The following TUBGCP5 variants were observed in gnomAD, a reference collection of about 807,000 sequenced individuals.
TUBGCP5 encodes the protein tubulin gamma complex component 5, also known as gamma-tubulin complex component 5.
Under a neutral mutation model 134.7 loss-of-function variants are expected in TUBGCP5, and 98 were observed. The observed-to-expected ratio is 0.73, with a 90% confidence interval of 0.62 to 0.86. TUBGCP5 has a LOEUF of 0.86. Among genes scored for constraint, TUBGCP5 ranks in the 40% least tolerant of loss-of-function variants. TUBGCP5 has a pLI of 0.00. For missense variants in TUBGCP5, 1,150 were observed against 1,244.8 expected, an observed-to-expected ratio of 0.92 and a Z score of 1.15; for synonymous variants, 456 against 431.4, an observed-to-expected ratio of 1.06 and a Z score of -0.71.
chr15:22,990,269 A>G (rs1595781351), intron 23 of TUBGCP5, among the ~76,000 whole-genome samples: 1 of 132,932 alleles, frequency 7.5e-6, no homozygotes, highest in East Asian at 2.2e-4. Flanking sequence ...CTCCTCTTCC[A>G]TCTCTCTCCT....
intron 9 of TUBGCP5, chr15:23,024,482 CAAAT>C (rs1386648487): frequency 4.7e-6 from 2 of 429,648 alleles, no homozygotes; most frequent in Non-Finnish European, 8.0e-6. Context: ...TACAGAATGA[CAAAT>C]AAAAAGCAGA....
At chr15:23,000,331 G>A (rs1315365378) in intron 22 of TUBGCP5, 7 of 1,275,482 alleles carry the variant, frequency 5.5e-6, no homozygotes, top group Non-Finnish European at 6.9e-6. Flanking sequence ...TTTAATAGGA[G>A]TTTTAGAAAT....
intron 13 of TUBGCP5, among the ~76,000 whole-genome samples, 195 bp from the exon 14 acceptor site, chr15:23,011,526 T>C (rs112558715): frequency 6.7e-6 from 1 of 148,936 alleles, no homozygotes; most frequent in Non-Finnish European, 1.5e-5. Context: ...TTTTTTGAGA[T>C]GGAGTTTTGC....
chr15:23,039,339 G>T (rs955587293), intron 1 of TUBGCP5, 59 bp downstream of exon 1: 186 of 1,304,854 alleles, frequency 1.4e-4, no homozygotes, highest in Non-Finnish European at 1.8e-4. Context: ...GGCTGTGCGG[G>T]ACCCACGCGC....
chr15:22,990,947 T>A (rs1567079362), intron 23 of TUBGCP5, among the ~76,000 whole-genome samples: 1 of 152,160 alleles, frequency 6.6e-6, no homozygotes, highest in Admixed American at 6.5e-5. Context: ...AGGCAAAGAA[T>A]GGCGCGGCCA....
chr15:23,005,887 G>A, intron 18 of TUBGCP5, 165 bp downstream of exon 18: 1 of 746,506 alleles, frequency 1.3e-6, no homozygotes, highest in Non-Finnish European at 2.1e-6. Context: ...ACTACTGCTA[G>A]AATACGCACC....
At chr15:22,988,444 G>GA (rs2063743946) in intron 23 of TUBGCP5, among the ~76,000 whole-genome samples, 2 of 151,560 alleles carry the variant, frequency 1.3e-5, no homozygotes, top group Non-Finnish European at 2.9e-5. Context: ...TTAATATCTG[G>GA]TTTTTTTGGC....
intron 15 of TUBGCP5, among the ~76,000 whole-genome samples, chr15:23,009,679 G>C (rs889330845): frequency 1.3e-5 from 2 of 152,110 alleles, no homozygotes; most frequent in Non-Finnish European, 2.9e-5. Flanking sequence ...AAGTAATTTA[G>C]TGTTTTTCAT....
chr15:23,004,369 C>G, intron 19 of TUBGCP5, 142 bp from the exon 20 acceptor site: 1 of 1,009,708 alleles, frequency 9.9e-7, no homozygotes. Context: ...CATAAAGTAC[C>G]ATTCTTCAAA....
chr15:23,003,569 A>G (rs1287636653), intron 20 of TUBGCP5, among the ~76,000 whole-genome samples: 3 of 151,318 alleles, frequency 2.0e-5, no homozygotes, highest in Admixed American at 6.6e-5. Flanking sequence ...AGTGTTGACT[A>G]TCACACATAG....
At chr15:23,028,319 G>C (rs1318498652) in intron 6 of TUBGCP5, among the ~76,000 whole-genome samples, 1 of 148,902 alleles carries the variant, frequency 6.7e-6, no homozygotes, top group Non-Finnish European at 1.5e-5. Context: ...GGTTGAGGCT[G>C]GAGTGAGCTG....
chr15:23,009,020 C>T, intron 15 of TUBGCP5, 139 bp from the exon 16 acceptor site: 6 of 608,620 alleles, frequency 9.9e-6, no homozygotes, highest in Non-Finnish European at 1.6e-5. Flanking sequence ...AATATTAACA[C>T]CTCTTAAACT....
downstream of TUBGCP5, among the ~76,000 whole-genome samples, chr15:22,994,418 GATGTGCAGCACGGCC>G (rs763042138): frequency 2.0e-5 from 3 of 152,160 alleles, no homozygotes; most frequent in Non-Finnish European, 4.4e-5. Flanking sequence ...AGGATAGGGC[GATGTGCAGCACGGCC>G]TTAGCTTTTC....
At chr15:22,990,754 G>C (rs961718665) in intron 23 of TUBGCP5, among the ~76,000 whole-genome samples, 19 of 152,186 alleles carry the variant, frequency 1.2e-4, no homozygotes, top group Non-Finnish European at 2.2e-4. Context: ...GCAGATCTAA[G>C]TTCTTGAGAT....
In TUBGCP5 at chr15:23,011,230, C is replaced by T. The variant is rs1190457483; in HGVS notation, c.1858G>A (p.Ala620Thr). 6.2e-7 allele frequency: 1 copy of T among 1,613,846 alleles called. No homozygotes were observed. Among genetic ancestry groups the T allele is most frequent in the Non-Finnish European group, 8.5e-7 (1 of 1,179,966 alleles). The stretch of plus-strand genomic sequence containing the variant: ...ATCTTCATCAGGTTCTCCTTGGTTG[C>T]CTGTTGCTCAGTAAGAACCTGTGGA... ...STPQVLTEQQ[A>T]TKENLMKMQS... The change falls in exon 14 of 23, where the codon GCA (alanine) becomes ACA (threonine). Residue 620 changes from alanine to threonine, a missense_variant. Physicochemically the swap from Ala to Thr is moderately conservative, Grantham distance 58. Around this residue, in one of 2 missense-constraint regions of TUBGCP5, gnomAD observed 697 missense variants for 850.1 expected, o/e 0.82. Transcript: ENST00000615383.
chr15:22,994,429 C>G (rs896886229), downstream of TUBGCP5, among the ~76,000 whole-genome samples: 1 of 152,160 alleles, frequency 6.6e-6, no homozygotes, highest in Non-Finnish European at 1.5e-5. Context: ...ATGTGCAGCA[C>G]GGCCTTAGCT....
At chr15:22,998,771 C>T (rs1416100114), downstream of TUBGCP5, among the ~76,000 whole-genome samples, 3 of 152,118 alleles carry the variant, frequency 2.0e-5, no homozygotes, top group African/African-American at 4.8e-5. Context: ...TGGGCCACCA[C>T]ACCTGGCTAA....
At chr15:23,017,237 A>G (rs1246036412) in intron 13 of TUBGCP5, among the ~76,000 whole-genome samples, 1 of 152,012 alleles carries the variant, frequency 6.6e-6, no homozygotes, top group Non-Finnish European at 1.5e-5. Flanking sequence ...GCTGGAAGGA[A>G]TAAGTTCTAG....
chr15:23,010,861 C>T (rs1202990976), intron 14 of TUBGCP5, among the ~76,000 whole-genome samples: 10 of 151,918 alleles, frequency 6.6e-5, no homozygotes, highest in Admixed American at 6.6e-4. Context: ...TGCCTCTAGT[C>T]CCAGGTAGCT....
Sources: allele counts gnomAD v4.1 joint callset (sites outside exome capture counted in the v4.1 genomes callset), GRCh38; gene constraint gnomAD v4.1.1; regional missense constraint gnomAD v4.1.1; transcripts MANE v1.5; gene names NCBI Gene and HGNC (gene_info 2026-07-23, HGNC 2026-07-21).